Variants in FERMT2 observed in about 807,000 individuals in gnomAD.
The protein encoded by FERMT2 is fermitin family homolog 2.
Under a neutral mutation model 82.7 loss-of-function variants are expected in FERMT2, and 15 were observed. That is an observed-to-expected ratio of 0.18 (90% confidence interval 0.12 to 0.28). The LOEUF is 0.28. Among genes scored for constraint, FERMT2 ranks in the 10% least tolerant of loss-of-function variants. FERMT2 has a pLI of 1.00. For missense variants in FERMT2, 645 were observed against 809.4 expected, an observed-to-expected ratio of 0.80 and a Z score of 2.46; for synonymous variants, 274 against 271.5, an observed-to-expected ratio of 1.01 and a Z score of -0.09.
At chr14:52,878,489 A>T (rs962404834) in intron 7 of FERMT2, 93 bp downstream of exon 7, 1 of 778,252 alleles carries the variant, frequency 1.3e-6, no homozygotes, top group East Asian at 2.7e-5. Context: ...TGTCTCGTGA[A>T]ATGTTACTGG....
At chr14:52,936,043 G>A (rs1889822650) in intron 2 of FERMT2, among the ~76,000 whole-genome samples, 1 of 152,134 alleles carries the variant, frequency 6.6e-6, no homozygotes, top group Non-Finnish European at 1.5e-5. Context: ...TGCTAATTTG[G>A]TTCAACCTGG....
chr14:52,924,552 TGAA>T (rs1889144442), intron 2 of FERMT2, among the ~76,000 whole-genome samples: 2 of 152,272 alleles, frequency 1.3e-5, no homozygotes, highest in South Asian at 4.1e-4. Flanking sequence ...CTGATAATTT[TGAA>T]GAAGTGTGGT....
At chr14:52,904,362 A>T (rs190817500) in intron 3 of FERMT2, among the ~76,000 whole-genome samples, 270 of 152,352 alleles carry the variant, frequency 1.8e-3, no homozygotes, top group African/African-American at 6.0e-3. Flanking sequence ...ACTAAAAATT[A>T]AAAAATTAGC....
chr14:52,915,066 C>T (rs993014975), intron 3 of FERMT2, among the ~76,000 whole-genome samples: 4 of 152,034 alleles, frequency 2.6e-5, no homozygotes, highest in African/African-American at 9.7e-5. Flanking sequence ...TTCCTAATAG[C>T]AGTATCCAAT....
chr14:52,949,741 T>G (rs777269657), intron 2 of FERMT2, among the ~76,000 whole-genome samples: 118 of 152,346 alleles, frequency 7.7e-4, no homozygotes, highest in Middle Eastern at 3.4e-3. Flanking sequence ...CTCAAATTAG[T>G]TTAACAAAGT....
intron 2 of FERMT2, among the ~76,000 whole-genome samples, chr14:52,945,307 G>A (rs558823024): frequency 1.3e-5 from 2 of 152,060 alleles, no homozygotes; most frequent in South Asian, 2.1e-4. Context: ...CTGGAGTGCA[G>A]TGGTGTGATC....
intron 3 of FERMT2, among the ~76,000 whole-genome samples, chr14:52,917,827 A>C (rs1476220248): frequency 6.6e-6 from 1 of 152,218 alleles, no homozygotes; most frequent in Non-Finnish European, 1.5e-5. Flanking sequence ...CCAAGCTCCA[A>C]GCCTACAGGC....
intron 2 of FERMT2, among the ~76,000 whole-genome samples, chr14:52,929,936 G>A (rs1283578092): frequency 6.6e-6 from 1 of 151,962 alleles, no homozygotes; most frequent in African/African-American, 2.4e-5. Context: ...CACAGTGCTG[G>A]GCAGGCAAGA....
chr14:52,931,549 C>T (rs1396940790), intron 2 of FERMT2, among the ~76,000 whole-genome samples: 1 of 152,106 alleles, frequency 6.6e-6, no homozygotes, highest in Non-Finnish European at 1.5e-5. Context: ...AGGGAGTTGT[C>T]TAAGCTAGAA....
In FERMT2 at chr14:52,872,785, C is replaced by T. The variant is rs376594444; in HGVS notation, c.1273+14G>A. The T allele has an allele frequency of 1.2e-6, 2 of 1,613,108 alleles. No homozygotes were observed. The highest frequency in any genetic ancestry group is 1.7e-6 in the Non-Finnish European group (2 of 1,179,706). On this transcript the variant is annotated intron_variant, in intron 10 of 14. Coordinates refer to ENST00000341590, the MANE Select transcript of FERMT2 (RefSeq NM_006832.3). ...ATGCCACCATCAACAACAGCCGTGC[C>T]AGGCTCTCCTTACCCCTGAGGTTCA...
intron 4 of FERMT2, among the ~76,000 whole-genome samples, chr14:52,882,068 T>C (rs1022386522): frequency 3.3e-5 from 5 of 152,190 alleles, no homozygotes; most frequent in African/African-American, 1.2e-4. Flanking sequence ...TAGTCAAGTA[T>C]ATAGTGACAA....
intron 2 of FERMT2, among the ~76,000 whole-genome samples, chr14:52,945,884 T>A (rs1233632506): frequency 6.6e-6 from 1 of 152,188 alleles, no homozygotes; most frequent in Non-Finnish European, 1.5e-5. Context: ...ATACTAAAAC[T>A]CAGTGAACAG....
chr14:52,911,524 G>A lies in FERMT2; in HGVS notation c.391+7599C>T, dbSNP rs149318220. On this transcript the variant is annotated intron_variant, in intron 3 of 14. Transcript: ENST00000341590. ...AAATTAGCTGGGCGTGGTGGCGAGC[G>A]CCTATAGTCCCAGCTACTAGGGAGG... Among the ~76,000 whole-genome samples the A allele has an allele frequency of 8.9e-4, 135 of 151,966 alleles. 3 individuals carry two copies. In the East Asian group the frequency reaches 0.022, roughly 25 times the overall value.
At chr14:52,888,219 C>A (rs934786293) in intron 4 of FERMT2, among the ~76,000 whole-genome samples, 7 of 152,130 alleles carry the variant, frequency 4.6e-5, no homozygotes, top group African/African-American at 1.7e-4. Context: ...TTTTGGTTTG[C>A]AACCCACTTT....
chr14:52,903,926 A>G (rs1463859706), intron 3 of FERMT2, among the ~76,000 whole-genome samples: 2 of 152,226 alleles, frequency 1.3e-5, no homozygotes, highest in East Asian at 3.8e-4. Flanking sequence ...GAAAAAAAGA[A>G]AAGTGGGGAG....
intron 4 of FERMT2, among the ~76,000 whole-genome samples, chr14:52,886,052 A>G (rs939844018): frequency 2.0e-5 from 3 of 152,098 alleles, no homozygotes; most frequent in Non-Finnish European, 4.4e-5. Context: ...TAAATAAAAT[A>G]AAGAATCTAT....
At chr14:52,902,630 A>AGGCC (rs1021062473) in intron 3 of FERMT2, among the ~76,000 whole-genome samples, 2 of 151,882 alleles carry the variant, frequency 1.3e-5, no homozygotes, top group African/African-American at 4.8e-5. Context: ...GCACTTTGGG[A>AGGCC]GGCCGAGGCG....
intron 4 of FERMT2, among the ~76,000 whole-genome samples, chr14:52,890,750 C>G (rs1886893278): frequency 6.6e-6 from 1 of 151,724 alleles, no homozygotes; most frequent in South Asian, 2.1e-4. Context: ...ATTACAGGTA[C>G]CCACCACCAC....
chr14:52,887,262 C>T (rs1349943447), intron 4 of FERMT2, among the ~76,000 whole-genome samples: 1 of 151,930 alleles, frequency 6.6e-6, no homozygotes. Context: ...CTCAGCCTCC[C>T]TAGTAGCTAT....
Sources: gnomAD v4.1 joint callset for allele counts (sites outside exome capture counted in the v4.1 genomes callset) on GRCh38, gnomAD v4.1.1 for gene constraint, MANE v1.5 for transcripts, NCBI Gene and HGNC (gene_info 2026-07-23, HGNC 2026-07-21) for gene names.